The following SND1 variants were observed in gnomAD, a reference collection of about 807,000 sequenced individuals.
The protein encoded by SND1 is staphylococcal nuclease domain-containing protein 1.
A neutral mutation model predicts 121.7 loss-of-function variants in SND1; 38 were observed. That is an observed-to-expected ratio of 0.31 (90% CI 0.24 to 0.41). SND1 has a LOEUF of 0.41. Ranked by LOEUF, SND1 falls within the 10% of genes least tolerant of loss-of-function variation. The pLI is 1.00. For synonymous variants in SND1, 401 were observed against 447.4 expected (o/e 0.90, Z 1.31); for missense variants, 868 against 1,184.6 (o/e 0.73, Z 3.92).
intron 16 of SND1, among the ~76,000 whole-genome samples, chr7:128,036,371 G>A (rs1172552419): frequency 3.3e-5 from 5 of 152,220 alleles, no homozygotes; most frequent in African/African-American, 1.2e-4. Flanking sequence ...ACTACCCACA[G>A]TCATAAAGGG....
intron 12 of SND1, among the ~76,000 whole-genome samples, chr7:127,869,777 T>G (rs565447457): frequency 1.3e-4 from 20 of 152,296 alleles, no homozygotes; most frequent in African/African-American, 4.3e-4. Flanking sequence ...AATTATTCAG[T>G]CATCACAAAG....
At chr7:127,735,173 C>A (rs985497412) in intron 10 of SND1, among the ~76,000 whole-genome samples, 13 of 152,076 alleles carry the variant, frequency 8.5e-5, no homozygotes, top group African/African-American at 3.1e-4. Context: ...AGTGGAGGAA[C>A]CAGGATTCGA....
rs1472715396 is a variant in SND1, at chr7:127,994,569, AAAAAAAAAAAAAAAAAC to A, written c.1779+3515_1779+3531del. On this transcript the variant is annotated intron_variant, in intron 16 of 23. Coordinates refer to ENST00000354725, the MANE Select transcript of SND1 (RefSeq NM_014390.4). Reference sequence around the variant, plus strand: ...TTACTCAAAAAAAAAAAAAAAAAAAAAAAAAAAAAAAAAAAACAGTAAATTCAGTCTTTCTTTCTAGC... The same window carrying A: ...TTACTCAAAAAAAAAAAAAAAAAAAAAGTAAATTCAGTCTTTCTTTCTAGC... Among the ~76,000 whole-genome samples, 7 of 149,766 alleles carry A rather than the reference AAAAAAAAAAAAAAAAAC, an allele frequency of 4.7e-5. No individual in the cohort carries two copies. The East Asian group carries it at 9.9e-4, about 21-fold the overall frequency.
intron 13 of SND1, among the ~76,000 whole-genome samples, chr7:127,903,612 G>C (rs1800277475): frequency 6.6e-6 from 1 of 151,738 alleles, no homozygotes; most frequent in African/African-American, 2.4e-5. Flanking sequence ...AAAAGCCCAA[G>C]TGTGAAAGAA....
At chr7:128,076,681 C>A (rs1226180844) in intron 17 of SND1, among the ~76,000 whole-genome samples, 2 of 152,182 alleles carry the variant, frequency 1.3e-5, no homozygotes, top group African/African-American at 2.4e-5. Context: ...ACAGTGGTTA[C>A]AAGATCCTGT....
intron 18 of SND1, 56 bp from the exon 19 acceptor site, chr7:128,084,668 C>T: frequency 6.5e-7 from 1 of 1,530,302 alleles, no homozygotes; most frequent in Non-Finnish European, 8.8e-7. Context: ...AAAAACCCTG[C>T]TGAGCCGTCG....
At chr7:128,027,658 T>G (rs1250463641) in intron 16 of SND1, 1 of 152,146 alleles carries the variant, frequency 6.6e-6, no homozygotes, top group Non-Finnish European at 1.5e-5. Flanking sequence ...CTCTCCACCT[T>G]AAAACAAACA....
At chr7:127,810,969 A>G in intron 11 of SND1, among the ~76,000 whole-genome samples, 1 of 152,262 alleles carries the variant, frequency 6.6e-6, no homozygotes, top group Non-Finnish European at 1.5e-5. Flanking sequence ...AAGAAGCCAG[A>G]GTGCATTGAA....
chr7:127,755,191 T>C (rs1179227555), intron 10 of SND1, among the ~76,000 whole-genome samples: 1 of 152,210 alleles, frequency 6.6e-6, no homozygotes, highest in Non-Finnish European at 1.5e-5. Context: ...ATGCTAACTC[T>C]TCACCGTATC....
chr7:127,663,303 TCTTA>T (rs1259378749), intron 1 of SND1, among the ~76,000 whole-genome samples: 2 of 152,202 alleles, frequency 1.3e-5, no homozygotes, highest in Non-Finnish European at 2.9e-5. Context: ...GCATTGTTAT[TCTTA>T]CTGTTTTTTT....
intron 16 of SND1, among the ~76,000 whole-genome samples, chr7:128,038,572 G>A (rs946468573): frequency 1.3e-5 from 2 of 152,060 alleles, no homozygotes; most frequent in African/African-American, 4.8e-5. Context: ...GTTACTGAGG[G>A]GATTCTTTTC....
intron 16 of SND1, among the ~76,000 whole-genome samples, chr7:128,024,346 C>T (rs1803427229): frequency 1.3e-5 from 2 of 152,104 alleles, no homozygotes; most frequent in South Asian, 4.2e-4. Context: ...TGCTGAGTGC[C>T]AGCAGAGGAG....
rs558077154 is a variant in SND1 at position 127,956,133 on chromosome 7, G to GTTCCTTGTT, written c.1669+26806_1669+26814dup. Among the ~76,000 whole-genome samples, 16 of 152,292 alleles carry GTTCCTTGTT rather than the reference G, an allele frequency of 1.1e-4. No homozygotes were observed. The South Asian group carries it at 3.1e-3, about 30-fold the overall frequency. The stretch of plus-strand genomic sequence containing the variant: ...ACATGTCTCTCTTCCTCTAGCCTGT[G>GTTCCTTGTT]TTCCTTGTTTATCTCCATATGCCCA... On this transcript the variant is annotated intron_variant, in intron 15 of 23. Transcript: ENST00000354725.
chr7:128,033,416 C>A (rs1464067149), intron 16 of SND1, among the ~76,000 whole-genome samples: 1 of 152,200 alleles, frequency 6.6e-6, no homozygotes, highest in Non-Finnish European at 1.5e-5. Context: ...CAACCCACCC[C>A]TCTCCCCGTG....
intron 10 of SND1, among the ~76,000 whole-genome samples, chr7:127,763,024 G>A (rs2116480163): frequency 6.6e-6 from 1 of 152,260 alleles, no homozygotes; most frequent in Non-Finnish European, 1.5e-5. Flanking sequence ...GATGTTTACT[G>A]TAACCTGGCC....
intron 15 of SND1, among the ~76,000 whole-genome samples, chr7:127,986,846 G>A (rs1313941694): frequency 6.6e-6 from 1 of 152,174 alleles, no homozygotes; most frequent in African/African-American, 2.4e-5. Flanking sequence ...CTTTGTTCTG[G>A]CACACCCCAT....
chr7:127,763,689 A>C (rs1797351359), intron 10 of SND1, among the ~76,000 whole-genome samples: 1 of 152,150 alleles, frequency 6.6e-6, no homozygotes, highest in East Asian at 1.9e-4. Flanking sequence ...ACGGACAAAA[A>C]AACCCAGGAC....
chr7:127,884,192 T>C (rs141460328), intron 12 of SND1, among the ~76,000 whole-genome samples: 6 of 152,278 alleles, frequency 3.9e-5, no homozygotes, highest in Middle Eastern at 6.8e-3. Flanking sequence ...CTTCCTTGTT[T>C]TCTGGTACTA....
In SND1 at chr7:127,657,746, ACT is replaced by A. The variant is rs149298367; in HGVS notation, c.78+5298_78+5299del. Among the ~76,000 whole-genome samples, 12 of 151,618 alleles carry A rather than the reference ACT, an allele frequency of 7.9e-5. No homozygotes were observed. In the East Asian group the frequency reaches 1.9e-3, roughly 25 times the overall value. On this transcript the variant is annotated intron_variant, in intron 1 of 23. Coordinates refer to ENST00000354725, the MANE Select transcript of SND1 (RefSeq NM_014390.4). ...CTCCTGGACTCAAGTGACCTTCTCC[ACT>A]CTGGCCTCCCAAAGTGCTGGGTTTA... is the stretch of plus-strand genomic sequence containing the variant.
Sources: allele counts gnomAD v4.1 joint callset (sites outside exome capture counted in the v4.1 genomes callset), GRCh38; gene constraint gnomAD v4.1.1; transcripts MANE v1.5; gene names NCBI Gene and HGNC (gene_info 2026-07-23, HGNC 2026-07-21).